CPPED1: variants seen among roughly 807,000 people sequenced by gnomAD.
The protein encoded by CPPED1 is calcineurin like phosphoesterase domain containing 1.
Under a neutral mutation model 28.0 loss-of-function variants are expected in CPPED1, and 28 were observed. The observed-to-expected ratio is 1.00, with a 90% CI of 0.74 to 1.37. CPPED1 has a LOEUF of 1.37. Ranked by LOEUF, CPPED1 falls within the 40% of genes most tolerant of loss-of-function variation. CPPED1 has a pLI of 0.00. For missense variants in CPPED1, 504 were observed against 416.5 expected (o/e 1.21, Z -1.83); for synonymous variants, 198 against 180.2 (o/e 1.10, Z -0.79).
chr16:12,738,215 G>T lies in CPPED1; in HGVS notation c.290-33166C>A, dbSNP rs1596465825. On this transcript the variant is annotated intron_variant, in intron 2 of 3. Transcript: ENST00000381774. ...TTCACAATGATGCTTGTAATAATAA[G>T]GAGGTTGTTGATATTATATGAAAAA... Among the ~76,000 whole-genome samples, 3 of 152,230 alleles carry T rather than the reference G, an allele frequency of 2.0e-5. No individual in the cohort carries two copies. The South Asian group carries it at 6.2e-4, about 32-fold the overall frequency.
intron 2 of CPPED1, among the ~76,000 whole-genome samples, chr16:12,722,812 C>T (rs1200911160): frequency 6.6e-6 from 1 of 152,212 alleles, no homozygotes; most frequent in East Asian, 1.9e-4. Context: ...ATTCTAGCCA[C>T]TGGCTTTCCC....
intron 2 of CPPED1, among the ~76,000 whole-genome samples, chr16:12,711,710 T>C (rs546758768): frequency 5.6e-4 from 85 of 152,254 alleles, no homozygotes; most frequent in Non-Finnish European, 6.5e-4. Context: ...GATCCATAAG[T>C]GGGCTCCAGA....
At position 12,660,100 on chromosome 16, in the gene CPPED1, A is replaced by G. The variant is rs982052564; in HGVS notation, c.*4786T>C. ...AGATTTCAGTGGGGACACAGAGCCA[A>G]ACCAATTTGGGTGGAGACACAGAGC... On this transcript the variant is annotated 3_prime_UTR_variant, in exon 4 of 4. Coordinates refer to ENST00000381774, the MANE Select transcript of CPPED1 (RefSeq NM_018340.3). 12 of 152,184 alleles carry G rather than the reference A, an allele frequency of 7.9e-5. No individual in the cohort carries two copies. The highest frequency in any genetic ancestry group is 2.7e-4 in the African/African-American group (11 of 41,446). 9.4% of individuals were successfully genotyped at this position (152,184 alleles called of 1,614,324 possible).
chr16:12,799,964 C>G (rs1292571624), intron 1 of CPPED1, among the ~76,000 whole-genome samples: 1 of 152,148 alleles, frequency 6.6e-6, no homozygotes, highest in Non-Finnish European at 1.5e-5. Context: ...GATTTATCAT[C>G]AAGTCTCTCT....
intron 3 of CPPED1, among the ~76,000 whole-genome samples, chr16:12,668,861 A>T (rs1173253738): frequency 6.6e-6 from 1 of 152,240 alleles, no homozygotes; most frequent in Non-Finnish European, 1.5e-5. Flanking sequence ...GAGAAATTAG[A>T]ACCTTCATAC....
rs573959128 is a variant in CPPED1, at chr16:12,737,807, C to A, written c.290-32758G>T. 5.3e-5 allele frequency among the ~76,000 whole-genome samples: 8 copies of A among 152,242 alleles called. No individual in the cohort carries two copies. In the South Asian group the frequency reaches 1.7e-3, roughly 32 times the overall value. Reference sequence around the variant, plus strand: ...CCAGATAAGGAACAGTGGGAGGGAGCGGCTGGAGGGAACATTTGAGCAATT... The same window carrying A: ...CCAGATAAGGAACAGTGGGAGGGAGAGGCTGGAGGGAACATTTGAGCAATT... On this transcript the variant is annotated intron_variant, in intron 2 of 3. Coordinates refer to ENST00000381774, the MANE Select transcript of CPPED1 (RefSeq NM_018340.3).
At chr16:12,733,641 A>G (rs546956669) in intron 2 of CPPED1, among the ~76,000 whole-genome samples, 1 of 152,228 alleles carries the variant, frequency 6.6e-6, no homozygotes, top group East Asian at 1.9e-4. Context: ...GATGGAGAGA[A>G]GGACAGAGCT....
At chr16:12,774,580 T>C (rs1451881028) in intron 2 of CPPED1, among the ~76,000 whole-genome samples, 1 of 152,220 alleles carries the variant, frequency 6.6e-6, no homozygotes, top group Non-Finnish European at 1.5e-5. Context: ...TGCATGCTGT[T>C]CTAGTCCTTC....
At position 12,781,288 on chromosome 16, in the gene CPPED1, T is replaced by A. The variant is rs1384084774; in HGVS notation, c.186A>T (p.Glu62Asp). 1.2e-6 allele frequency: 2 copies of A among 1,614,138 alleles called. No homozygotes were observed. The highest frequency in any genetic ancestry group is 2.7e-5 in the African/African-American group (2 of 75,048). ...GDCDNGGDEW[E>D]QEIRLTEQAV... ...CTTGCTCAGTTAGACGGATCTCCTG[T>A]TCCCATTCGTCACCGCCATTGTCAC... Residue 62 changes from glutamate (E) to aspartate (D), a missense_variant, in exon 2 of 4, where the codon GAA becomes GAT. Coordinates refer to ENST00000381774, the MANE Select transcript of CPPED1 (RefSeq NM_018340.3).
At chr16:12,744,293 AGAGAAAGCAAGCAAGCAAGC>A (rs1318934006) in intron 2 of CPPED1, among the ~76,000 whole-genome samples, 1 of 117,672 alleles carries the variant, frequency 8.5e-6, no homozygotes, top group African/African-American at 3.7e-5. Flanking sequence ...AGAGAGAGAG[AGAGAAAGCAAGCAAGCAAGC>A]AAGCAAGCAA....
intron 1 of CPPED1, among the ~76,000 whole-genome samples, chr16:12,783,662 C>A (rs1421517082): frequency 6.6e-6 from 1 of 152,052 alleles, no homozygotes; most frequent in African/African-American, 2.4e-5. Flanking sequence ...CTCACTATCA[C>A]CTTAGAATGG....
intron 2 of CPPED1, among the ~76,000 whole-genome samples, chr16:12,737,705 G>A (rs1367188829): frequency 1.3e-5 from 2 of 152,230 alleles, no homozygotes; most frequent in Non-Finnish European, 2.9e-5. Flanking sequence ...AGTGGTCAGA[G>A]GGGCTGCTGA....
intron 1 of CPPED1, among the ~76,000 whole-genome samples, chr16:12,795,426 G>T (rs141396004): frequency 6.6e-6 from 1 of 151,960 alleles, no homozygotes; most frequent in Non-Finnish European, 1.5e-5. Context: ...TGCAAACTCC[G>T]CCTCCCAGGC....
chr16:12,772,214 C>T (rs1484698950), intron 2 of CPPED1, among the ~76,000 whole-genome samples: 1 of 152,154 alleles, frequency 6.6e-6, no homozygotes. Context: ...GTTATCAGGA[C>T]CTTGGTCTAG....
At chr16:12,771,374 C>T (rs1454927969) in intron 2 of CPPED1, among the ~76,000 whole-genome samples, 2 of 152,224 alleles carry the variant, frequency 1.3e-5, no homozygotes, top group Non-Finnish European at 2.9e-5. Flanking sequence ...CTAAAGATCA[C>T]GGGAAACAAA....
intron 2 of CPPED1, among the ~76,000 whole-genome samples, chr16:12,737,230 A>G (rs1315499536): frequency 1.3e-5 from 2 of 152,094 alleles, no homozygotes; most frequent in Non-Finnish European, 2.9e-5. Context: ...ATCAGAGATC[A>G]TTTCAATGAA....
At chr16:12,740,561 G>C (rs921444934) in intron 2 of CPPED1, among the ~76,000 whole-genome samples, 3 of 152,076 alleles carry the variant, frequency 2.0e-5, no homozygotes, top group African/African-American at 7.2e-5. Flanking sequence ...CGTCTACTGG[G>C]GATGAGGACA....
rs553453956 is a variant in CPPED1, at chr16:12,685,412, T to C, written c.715+19212A>G. Among the ~76,000 whole-genome samples, 3 of 152,330 alleles carry C rather than the reference T, an allele frequency of 2.0e-5. No homozygotes were observed. The South Asian group carries it at 6.2e-4, about 32-fold the overall frequency. ...TTGCAGTGAGCCGAGATCATGCCAC[T>C]GCACTCCAGCCTGGGTGACAGAGCG... On this transcript the variant is annotated intron_variant, in intron 3 of 3. Transcript: ENST00000381774.
intron 2 of CPPED1, among the ~76,000 whole-genome samples, chr16:12,749,339 A>C (rs1183695981): frequency 6.6e-6 from 1 of 152,178 alleles, no homozygotes; most frequent in Non-Finnish European, 1.5e-5. Flanking sequence ...CCATCCCAAT[A>C]AACCACTCTC....
Sources: gnomAD v4.1 joint callset for allele counts (sites outside exome capture counted in the v4.1 genomes callset) on GRCh38, gnomAD v4.1.1 for gene constraint, MANE v1.5 for transcripts, NCBI Gene and HGNC (gene_info 2026-07-23, HGNC 2026-07-21) for gene names.